INPP5B: variants seen among roughly 807,000 people sequenced by gnomAD.
INPP5B encodes the protein type II inositol 1,4,5-trisphosphate 5-phosphatase.
In INPP5B, 90 loss-of-function variants were observed where a neutral mutation model predicts 118.5. The observed-to-expected ratio is 0.76, with a 90% CI of 0.64 to 0.90. The LOEUF (loss-of-function observed/expected upper bound fraction) is 0.90. Among genes scored for constraint, INPP5B ranks in the 40% least tolerant of loss-of-function variants. INPP5B has a pLI of 0.00. For missense variants in INPP5B, 984 were observed against 1,125.6 expected (o/e 0.87, Z 1.80); for synonymous variants, 385 against 418.9 (o/e 0.92, Z 0.99).
Position 37,875,615 on chromosome 1 carries a change from G to A in INPP5B, c.1779C>T (p.Ser593=). The part of the protein sequence containing the change: ...ENANIPSVSL[S]KREFCFQNVK... ...AACATGTCCTTCCTACCTCTCGCTTGGACAGGGACACAGAAGGAATGTTGG... is the reference window on the plus strand; with the variant it reads ...AACATGTCCTTCCTACCTCTCGCTTAGACAGGGACACAGAAGGAATGTTGG... Residue 593 remains serine, a synonymous_variant, in exon 17 of 24, where the codon TCC becomes TCT. Coordinates refer to ENST00000373024, the MANE Select transcript of INPP5B (RefSeq NM_005540.3). 1 of 1,612,428 alleles carries A rather than the reference G, an allele frequency of 6.2e-7. No homozygotes were observed. The highest frequency in any genetic ancestry group is 8.5e-7 in the Non-Finnish European group (1 of 1,178,490).
chr1:37,939,543 T>C (rs1417865660), intron 6 of INPP5B, among the ~76,000 whole-genome samples: 15 of 150,350 alleles, frequency 1.0e-4, no homozygotes, highest in Admixed American at 4.6e-4. Flanking sequence ...CTCCTGGGTT[T>C]ATGCCATTCT....
At chr1:37,940,914 T>G in intron 5 of INPP5B, 116 bp from the exon 6 acceptor site, 2 of 650,490 alleles carry the variant, frequency 3.1e-6, no homozygotes, top group Non-Finnish European at 5.4e-6. Context: ...CTTCAGCCCT[T>G]AAGCAACTTA....
At chr1:37,876,566 A>T (rs1642824412) in intron 16 of INPP5B, among the ~76,000 whole-genome samples, 1 of 148,178 alleles carries the variant, frequency 6.7e-6, no homozygotes, top group Non-Finnish European at 1.5e-5. Flanking sequence ...AAAAAAAAAA[A>T]AAAAAAAAAA....
intron 5 of INPP5B, chr1:37,941,958 A>AAAAAAAAT (rs1427344681): frequency 3.3e-5 from 1 of 30,392 alleles, no homozygotes; most frequent in African/African-American, 1.5e-4. Context: ...AAAAAAAAAA[A>AAAAAAAAT]ATATATATAT....
chr1:37,924,787 A>G (rs1645169218), intron 7 of INPP5B, among the ~76,000 whole-genome samples: 1 of 152,170 alleles, frequency 6.6e-6, no homozygotes, highest in Non-Finnish European at 1.5e-5. Flanking sequence ...CTGTAATGCC[A>G]GCACTTTGGG....
At chr1:37,944,950 C>T (rs962733796) in intron 3 of INPP5B, among the ~76,000 whole-genome samples, 5 of 152,128 alleles carry the variant, frequency 3.3e-5, no homozygotes, top group African/African-American at 4.8e-5. Flanking sequence ...ATGGACAAAT[C>T]GAGGAGTAAA....
intron 7 of INPP5B, among the ~76,000 whole-genome samples, chr1:37,919,010 C>T (rs575710793): frequency 1.3e-5 from 2 of 152,308 alleles, no homozygotes; most frequent in East Asian, 3.9e-4. Context: ...CAGACATGCT[C>T]AAGGACATAG....
chr1:37,920,258 T>C (rs915391159), intron 7 of INPP5B, among the ~76,000 whole-genome samples: 1 of 152,132 alleles, frequency 6.6e-6, no homozygotes, highest in African/African-American at 2.4e-5. Context: ...CAGAGAAAAT[T>C]TAACTTCAGC....
chr1:37,896,614 C>G (rs1287089266), intron 7 of INPP5B, among the ~76,000 whole-genome samples: 1 of 140,580 alleles, frequency 7.1e-6, no homozygotes, highest in African/African-American at 2.6e-5. Context: ...GTCAGCCCCC[C>G]GCCCGGCCAG....
intron 7 of INPP5B, among the ~76,000 whole-genome samples, chr1:37,912,081 A>G (rs1644719719): frequency 6.6e-6 from 1 of 152,204 alleles, no homozygotes; most frequent in Non-Finnish European, 1.5e-5. Flanking sequence ...CCAGTCCTCC[A>G]GCAGGCTAGA....
intron 11 of INPP5B, 60 bp downstream of exon 11, chr1:37,887,291 G>T (rs1643599714): frequency 5.8e-6 from 6 of 1,026,156 alleles, no homozygotes; most frequent in Non-Finnish European, 9.0e-6. Flanking sequence ...GGTGAAAAAT[G>T]ATCTTGGAAT....
chr1:37,945,020 A>G (rs956378012), intron 3 of INPP5B, among the ~76,000 whole-genome samples: 1 of 152,036 alleles, frequency 6.6e-6, no homozygotes, highest in African/African-American at 2.4e-5. Flanking sequence ...TAAAATTCCA[A>G]CACTTTGGGA....
chr1:37,919,434 A>C (rs1283975801), intron 7 of INPP5B, among the ~76,000 whole-genome samples: 1 of 152,154 alleles, frequency 6.6e-6, no homozygotes, highest in Non-Finnish European at 1.5e-5. Context: ...GGATTAAGTG[A>C]GTAGGTTCAA....
At chr1:37,910,870 C>T (rs1644672077) in intron 7 of INPP5B, among the ~76,000 whole-genome samples, 1 of 152,156 alleles carries the variant, frequency 6.6e-6, no homozygotes, top group South Asian at 2.1e-4. Flanking sequence ...TACCTCCCTC[C>T]ACAACCCATT....
rs553933866 is a variant in INPP5B at position 37,907,966 on chromosome 1, C to T, written c.533-16512G>A. ...CCATTGTGATTTGTTCCTGCCCCAC[C>T]CTAAGTGATAGGCTATGTTCTCCCC... On this transcript the variant is annotated intron_variant, in intron 7 of 23. Transcript: ENST00000373024. The surrounding 1 kb of genome is among the most constrained non-coding windows in gnomAD (Gnocchi z 4.3). 3.3e-5 allele frequency among the ~76,000 whole-genome samples: 5 copies of T among 152,242 alleles called. No individual in the cohort carries two copies. Among genetic ancestry groups the T allele is most frequent in the African/African-American group, 1.2e-4 (5 of 41,536 alleles).
At chr1:37,896,615 G>A (rs1450585987) in intron 7 of INPP5B, among the ~76,000 whole-genome samples, 10 of 137,416 alleles carry the variant, frequency 7.3e-5, no homozygotes, top group Non-Finnish European at 1.6e-4. Flanking sequence ...TCAGCCCCCC[G>A]CCCGGCCAGC....
chr1:37,895,321 T>A (rs1643987684), intron 7 of INPP5B, among the ~76,000 whole-genome samples: 1 of 152,200 alleles, frequency 6.6e-6, no homozygotes, highest in African/African-American at 2.4e-5. Context: ...ATGACACTCC[T>A]AGATATTTAC....
intron 7 of INPP5B, among the ~76,000 whole-genome samples, chr1:37,916,665 C>T (rs1644876882): frequency 6.6e-6 from 1 of 152,196 alleles, no homozygotes; most frequent in Non-Finnish European, 1.5e-5. Context: ...ATCCGCCTGC[C>T]TCAGCCTCCC....
At position 37,898,094 on chromosome 1, in the gene INPP5B, A is replaced by C. The variant is rs75928657; in HGVS notation, c.533-6640T>G. On this transcript the variant is annotated intron_variant, in intron 7 of 23. Coordinates refer to ENST00000373024, the MANE Select transcript of INPP5B (RefSeq NM_005540.3). ...CCATATAATAAAATATTAAGCAATT[A>C]GAAAAATTAGTTATCAAGCCATGAA... Among the ~76,000 whole-genome samples, 1,323 of 152,382 alleles carry C rather than the reference A, an allele frequency of 8.7e-3. 22 individuals carry two copies. The highest frequency in any genetic ancestry group is 0.03 in the African/African-American group (1,262 of 41,590).
Sources: gnomAD v4.1 joint callset for allele counts (sites outside exome capture counted in the v4.1 genomes callset) on GRCh38, gnomAD v4.1.1 for gene constraint, Gnocchi (gnomAD v3.1) non-coding constraint, MANE v1.5 for transcripts, NCBI Gene and HGNC (gene_info 2026-07-23, HGNC 2026-07-21) for gene names.